The following ESYT1 variants were observed in gnomAD, a reference collection of about 807,000 sequenced individuals.
ESYT1 encodes extended synaptotagmin 1, also known as extended synaptotagmin-1.
A neutral mutation model predicts 154.2 loss-of-function variants in ESYT1; 116 were observed. The observed-to-expected ratio is 0.75, with a 90% CI of 0.65 to 0.88. The LOEUF (loss-of-function observed/expected upper bound fraction) is 0.88, where lower values mean the gene tolerates loss of function less well. Ranked by LOEUF, ESYT1 falls within the 40% of genes least tolerant of loss-of-function variation. The pLI, the probability that ESYT1 is intolerant of heterozygous loss-of-function variation, is 0.00. For synonymous variants in ESYT1, 500 were observed against 539.9 expected (o/e 0.93, Z 1.02); for missense variants, 1,264 against 1,379.3 (o/e 0.92, Z 1.32).
At chr12:56,134,051 T>C (rs1592245844) in intron 13 of ESYT1, 59 bp from the exon 14 acceptor site, 1 of 1,605,372 alleles carries the variant, frequency 6.2e-7, no homozygotes, top group African/African-American at 1.3e-5. Flanking sequence ...CCACCTTCCT[T>C]CACCAAAACC....
chr12:56,138,458 G>A lies in ESYT1; in HGVS notation c.2392G>A (p.Ala798Thr). Residue 798 changes from alanine (A) to threonine (T), a missense_variant, in exon 22 of 31, where the codon GCC becomes ACC. Transcript: ENST00000394048. The part of the protein sequence containing the change: ...QTQKSAELAA[A>T]LLSIYMERAE... ...TCAGAAGAGTGCGGAGCTGGCTGCG[G>A]CCCTGCTATCCATCTATATGGAGCG... 1 of 1,612,656 alleles carries A rather than the reference G, an allele frequency of 6.2e-7. No homozygotes were observed.
Position 56,138,563 on chromosome 12 carries a change from A to T in ESYT1, c.2433+64A>T, listed in dbSNP as rs939520113. On this transcript the variant is annotated intron_variant, in intron 22 of 30. Coordinates refer to ENST00000394048, the MANE Select transcript of ESYT1 (RefSeq NM_015292.3). The stretch of plus-strand genomic sequence containing the variant: ...CTTCTTCCACCTTCCTCCGGTTTGG[A>T]TGGTCCTGGAGTATTTAGAATAAGA... 7 of 1,467,530 alleles carry T rather than the reference A, an allele frequency of 4.8e-6. No individual in the cohort carries two copies. The Admixed American group carries it at 9.4e-5, about 20-fold the overall frequency. 90.9% of individuals were successfully genotyped at this position (1,467,530 alleles called of 1,614,324 possible). A position where few individuals can be genotyped will look rare whatever the true frequency, so the allele number is the denominator to read the frequency against.
Position 56,133,830 on chromosome 12 carries a change from C to G in ESYT1, c.1430C>G (p.Ala477Gly). 6.2e-7 allele frequency: 1 copy of G among 1,614,218 alleles called. No individual in the cohort carries two copies. The highest frequency in any genetic ancestry group is 1.1e-5 in the South Asian group (1 of 91,082). ...GVSSRPDPPS[A>G]AILVVYLDRA... ...TCCTCTCGACCAGATCCCCCGTCAG[C>G]TGCCATCTTAGTTGTCTACCTGGAT... The change falls in exon 13 of 31, where the codon GCT (alanine) becomes GGT (glycine). Residue 477 changes from alanine (A) to glycine (G), a missense_variant. Transcript: ENST00000394048.
intron 20 of ESYT1, 36 bp from the exon 21 acceptor site, chr12:56,138,147 C>T (rs1353332781): frequency 1.1e-5 from 18 of 1,613,264 alleles, no homozygotes; most frequent in African/African-American, 2.7e-5. Context: ...CTCCTGTCTG[C>T]ATATCCCCAA....
At chr12:56,139,462 A>G (rs1870601923) in intron 24 of ESYT1, among the ~76,000 whole-genome samples, 2 of 151,912 alleles carry the variant, frequency 1.3e-5, no homozygotes, top group Admixed American at 1.3e-4. Flanking sequence ...TTTGGGAGAA[A>G]AATAACCAGA....
At chr12:56,138,315 C>T (rs535216214) in intron 21 of ESYT1, 43 bp downstream of exon 21, 2 of 1,612,228 alleles carry the variant, frequency 1.2e-6, no homozygotes, top group South Asian at 1.1e-5. Flanking sequence ...CAAGGTGGGG[C>T]AGGATGAGCT....
rs745630502 is a variant in ESYT1, at chr12:56,132,483, G to T, written c.1047G>T (p.Lys349Asn). The change falls in exon 9 of 31, where the codon AAG (lysine) becomes AAT (asparagine). Residue 349 changes from lysine to asparagine, a missense_variant. Coordinates refer to ENST00000394048, the MANE Select transcript of ESYT1 (RefSeq NM_015292.3). Reference protein sequence around the residue: ...RGLSSKDKYVKGLIEGKSDPY... With the variant: ...RGLSSKDKYVNGLIEGKSDPY... ...TGAGTTCCAAGGACAAATATGTGAAGGGCCTGATTGAGGGCAAGTCAGACC... is the reference window on the plus strand; with the variant it reads ...TGAGTTCCAAGGACAAATATGTGAATGGCCTGATTGAGGGCAAGTCAGACC... 2.5e-6 allele frequency: 4 copies of T among 1,614,196 alleles called. No homozygotes were observed. The South Asian group carries it at 3.3e-5, about 13-fold the overall frequency.
At chr12:56,138,865 A>C in intron 23 of ESYT1, 26 bp downstream of exon 23, 1 of 1,612,908 alleles carries the variant, frequency 6.2e-7, no homozygotes, top group Non-Finnish European at 8.5e-7. Flanking sequence ...GCAGGGTAAA[A>C]ATGGGAGGGA....
rs1450626533 is a variant in ESYT1 at position 56,132,329 on chromosome 12, C to G, written c.981C>G (p.Pro327=). 2 of 1,614,104 alleles carry G rather than the reference C, an allele frequency of 1.2e-6. No individual in the cohort carries two copies. The highest frequency in any genetic ancestry group is 1.1e-5 in the South Asian group (1 of 91,084). The change falls in exon 8 of 31, where the codon CCC becomes CCG. Residue 327 remains proline, a synonymous_variant. Transcript: ENST00000394048. ...TGGCTCAGTTGCGTTCCCCTCTGCC[C>G]AGGGTATGGCCTTTCCCCCACTAGA... The part of the protein sequence containing the change: ...QDVAQLRSPL[P]RGIIRIHLLA...
At position 56,134,399 on chromosome 12, in the gene ESYT1, G is replaced by C. The variant is rs750910208; in HGVS notation, c.1603G>C (p.Asp535His). The C allele has an allele frequency of 4.3e-6, 7 of 1,613,976 alleles. No individual in the cohort carries two copies. The African/African-American group carries it at 9.3e-5, about 22-fold the overall frequency. ...WEEAFRFFLQ[D>H]PQSQELDVQV... is the part of the protein sequence containing the mutation. ...GGAAGCGTTCCGGTTCTTCCTACAA[G>C]ACCCTCAAAGCCAGGAGCTCGATGT... Residue 535 changes from aspartate to histidine, a missense_variant, in exon 15 of 31, where the codon GAC (aspartate) becomes CAC (histidine). By Grantham distance (81) the Asp-to-His change is moderately conservative (BLOSUM62 -1). Transcript: ENST00000394048.
intron 16 of ESYT1, 102 bp from the exon 17 acceptor site, chr12:56,137,116 C>T (rs546071908): frequency 1.2e-4 from 175 of 1,464,926 alleles, no homozygotes; most frequent in Admixed American, 4.2e-4. Context: ...AGGGCAGCAC[C>T]TAGTTCCCCT....
In ESYT1 at chr12:56,131,279, A is replaced by G. The variant is rs1870224185; in HGVS notation, c.677A>G (p.Lys226Arg). ...VGDVQIDVEV[K>R]KYFCKAGVKG... is the part of the protein sequence containing the mutation. Reference sequence around the variant, plus strand: ...GATGTGCAGATTGATGTGGAAGTGAAGAAATATTTTTGCAAAGCAGGAGTC... The same window carrying G: ...GATGTGCAGATTGATGTGGAAGTGAGGAAATATTTTTGCAAAGCAGGAGTC... The change falls in exon 5 of 31, where the codon AAG becomes AGG. Residue 226 changes from lysine to arginine, a missense_variant. Physicochemically the swap from Lys to Arg is conservative, Grantham distance 26. Transcript: ENST00000394048. 1.2e-6 allele frequency: 2 copies of G among 1,614,074 alleles called. No homozygotes were observed. Among genetic ancestry groups the G allele is most frequent in the East Asian group, 4.5e-5 (2 of 44,900 alleles).
At chr12:56,140,743 T>C (rs572351806) in intron 24 of ESYT1, among the ~76,000 whole-genome samples, 1 of 152,260 alleles carries the variant, frequency 6.6e-6, no homozygotes, top group Non-Finnish European at 1.5e-5. Flanking sequence ...AAGAATGGAC[T>C]GGAGAGGGAC....
At chr12:56,134,629 C>T (rs1170817389) in intron 15 of ESYT1, among the ~76,000 whole-genome samples, 2 of 150,476 alleles carry the variant, frequency 1.3e-5, no homozygotes, top group Non-Finnish European at 3.0e-5. Flanking sequence ...GATGGAGTCT[C>T]GCTCTGTTGC....
chr12:56,130,991 G>C (rs779938814), intron 3 of ESYT1, 49 bp from the exon 4 acceptor site: 1 of 1,614,146 alleles, frequency 6.2e-7, no homozygotes, highest in South Asian at 1.1e-5. Context: ...AGTAGACTCA[G>C]GTACTTCTCC....
In ESYT1 at chr12:56,137,934, C is replaced by T. The variant is rs184065325; in HGVS notation, c.2198+20C>T. ...GGGCAGGTGAGAGCATAGGAGTCTA[C>T]GTGAAAAACAGGCTGGGGCTCTTTA... On this transcript the variant is annotated intron_variant, in intron 19 of 30. Transcript: ENST00000394048. The T allele has an allele frequency of 3.6e-4, 574 of 1,613,846 alleles. 1 individual carries two copies. The African/African-American group carries it at 3.9e-3, about 11-fold the overall frequency.
intron 1 of ESYT1, chr12:56,129,387 T>C (rs1870136716): frequency 6.4e-6 from 1 of 155,264 alleles, no homozygotes; most frequent in African/African-American, 2.4e-5. Context: ...TTTTCCGGAC[T>C]GTGGGCTGCG....
In ESYT1 at chr12:56,128,469, G is replaced by A. The variant is rs1341926071; in HGVS notation, c.150G>A (p.Glu50=). ...CTGCTGGCCCTGGCGCGGCGGGTGAGGCCCTGGCGGTGCTGACTTCATTCG... is the reference window on the plus strand; with the variant it reads ...CTGCTGGCCCTGGCGCGGCGGGTGAAGCCCTGGCGGTGCTGACTTCATTCG... ...GQPAGPGAAG[E]ALAVLTSFGR... The change falls in exon 1 of 31, where the codon GAG becomes GAA. Residue 50 remains glutamate (E), a synonymous_variant. Transcript: ENST00000394048. 1 of 1,610,564 alleles carries A rather than the reference G, an allele frequency of 6.2e-7. No homozygotes were observed. The highest frequency in any genetic ancestry group is 2.2e-5 in the East Asian group (1 of 44,820).
chr12:56,137,398 A>C, intron 17 of ESYT1, 25 bp downstream of exon 17: 1 of 1,614,010 alleles, frequency 6.2e-7, no homozygotes, highest in Non-Finnish European at 8.5e-7. Flanking sequence ...GGAAAGGACT[A>C]GGGTCTGTTT....
Sources: allele counts gnomAD v4.1 joint callset (sites outside exome capture counted in the v4.1 genomes callset), GRCh38; gene constraint gnomAD v4.1.1; transcripts MANE v1.5; gene names NCBI Gene and HGNC (gene_info 2026-07-23, HGNC 2026-07-21).